The following GRAMD1B variants were observed in gnomAD, a reference collection of about 807,000 sequenced individuals.
The protein encoded by GRAMD1B is GRAM domain containing 1B.
Under a neutral mutation model 99.7 loss-of-function variants are expected in GRAMD1B, and 37 were observed. That is an observed-to-expected ratio of 0.37 (90% CI 0.29 to 0.49). The LOEUF is 0.49. Ranked by LOEUF, GRAMD1B falls within the 20% of genes least tolerant of loss-of-function variation. The probability of loss-of-function intolerance (pLI) is 0.98; values close to 1 mark genes in which losing one functional copy is unlikely to be tolerated. For missense variants in GRAMD1B, 888 were observed against 1,009.2 expected (o/e 0.88, Z 1.63); for synonymous variants, 427 against 387.6 (o/e 1.10, Z -1.19).
intron 16 of GRAMD1B, 120 bp downstream of exon 16, chr11:123,613,778 G>A (rs1953942550): frequency 1.4e-6 from 1 of 692,464 alleles, no homozygotes; most frequent in East Asian, 2.7e-5. Context: ...TATATAATTT[G>A]AACGTAAGTC....
At chr11:123,489,662 C>A (rs1005984254) in intron 2 of GRAMD1B, among the ~76,000 whole-genome samples, 1 of 151,942 alleles carries the variant, frequency 6.6e-6, no homozygotes, top group Non-Finnish European at 1.5e-5. Flanking sequence ...GAGAAGAGAC[C>A]GACCATAGTG....
chr11:123,382,815 CACCTG>C (rs1483339678), intron 1 of GRAMD1B, among the ~76,000 whole-genome samples: 1 of 152,162 alleles, frequency 6.6e-6, no homozygotes, highest in Non-Finnish European at 1.5e-5. Context: ...CAAGAGAGGT[CACCTG>C]ACCTGAGCTG....
intron 1 of GRAMD1B, among the ~76,000 whole-genome samples, chr11:123,368,269 A>C (rs1946392045): frequency 6.9e-6 from 1 of 144,394 alleles, no homozygotes. Flanking sequence ...AAAAAAAAAA[A>C]AAAAAAAAAG....
chr11:123,393,166 A>G (rs1402648028), intron 1 of GRAMD1B, among the ~76,000 whole-genome samples: 2 of 152,216 alleles, frequency 1.3e-5, no homozygotes, highest in Admixed American at 1.3e-4. Context: ...TTTACAGATG[A>G]GGAAATCAAG....
At chr11:123,583,679 C>T (rs1949717699) in intron 3 of GRAMD1B, among the ~76,000 whole-genome samples, 1 of 152,042 alleles carries the variant, frequency 6.6e-6, no homozygotes, top group South Asian at 2.1e-4. Context: ...GTCTGTTTTG[C>T]TTGTTCTGAA....
intron 2 of GRAMD1B, among the ~76,000 whole-genome samples, chr11:123,486,389 A>G (rs1474496248): frequency 6.6e-6 from 1 of 152,044 alleles, no homozygotes; most frequent in Admixed American, 6.5e-5. Context: ...CTTTATCAAA[A>G]CTACAAAAAA....
At position 123,580,455 on chromosome 11, in the gene GRAMD1B, A is replaced by G. The variant is rs77159077; in HGVS notation, c.663+2878A>G. ...CACTCCCTGTCTCCTGGCCACCCCT[A>G]GAGGACACCATGCCTTATATTTTTT... On this transcript the variant is annotated intron_variant, in intron 3 of 19. Transcript: ENST00000635736. Among the ~76,000 whole-genome samples, 157 of 152,298 alleles carry G rather than the reference A, an allele frequency of 1.0e-3. 1 individual carries two copies. Among genetic ancestry groups the G allele is most frequent in the Non-Finnish European group, 1.9e-3 (130 of 68,022 alleles).
chr11:123,458,691 GT>G (rs60443148), intron 1 of GRAMD1B: 49,749 of 132,240 alleles, frequency 0.38, 9,023 homozygotes, highest in East Asian at 0.54. Flanking sequence ...AGGCTGTTTT[GT>G]TTTTTTTTTT....
At chr11:123,414,890 C>T (rs893768283) in intron 1 of GRAMD1B, among the ~76,000 whole-genome samples, 34 of 152,250 alleles carry the variant, frequency 2.2e-4, no homozygotes, top group Admixed American at 2.1e-3. Context: ...CGCTCTAGAG[C>T]CTTGGGGTTT....
At chr11:123,548,321 T>TACACACAC (rs1484787385) in intron 2 of GRAMD1B, among the ~76,000 whole-genome samples, 4 of 107,232 alleles carry the variant, frequency 3.7e-5, no homozygotes, top group African/African-American at 1.3e-4. Flanking sequence ...TATATATATA[T>TACACACAC]ATATACACAC....
At chr11:123,401,253 C>T (rs890618140) in intron 1 of GRAMD1B, among the ~76,000 whole-genome samples, 12 of 151,952 alleles carry the variant, frequency 7.9e-5, no homozygotes, top group African/African-American at 2.9e-4. Flanking sequence ...TACTTTGCCC[C>T]TCCCTCTGTC....
intron 1 of GRAMD1B, among the ~76,000 whole-genome samples, chr11:123,361,359 A>G (rs1167493840): frequency 6.6e-6 from 1 of 152,128 alleles, no homozygotes; most frequent in Non-Finnish European, 1.5e-5. Flanking sequence ...GGTGGCATGT[A>G]GTTTTCAGTG....
chr11:123,367,308 G>T (rs1042798430), intron 1 of GRAMD1B, among the ~76,000 whole-genome samples: 2 of 152,188 alleles, frequency 1.3e-5, no homozygotes, highest in East Asian at 3.8e-4. Flanking sequence ...GAAGATAAAC[G>T]TAAAGCAGAA....
chr11:123,457,188 C>T (rs543538360), intron 1 of GRAMD1B, among the ~76,000 whole-genome samples: 7 of 142,980 alleles, frequency 4.9e-5, no homozygotes, highest in Admixed American at 7.0e-5. Context: ...AGTATCGGCT[C>T]ATGATTTTAT....
At chr11:123,431,673 G>A (rs1948898033) in intron 1 of GRAMD1B, among the ~76,000 whole-genome samples, 1 of 152,216 alleles carries the variant, frequency 6.6e-6, no homozygotes, top group South Asian at 2.1e-4. Flanking sequence ...GGCCACACCG[G>A]ATTGCCTTAA....
chr11:123,582,698 A>C (rs920253477), intron 3 of GRAMD1B, among the ~76,000 whole-genome samples: 20 of 152,170 alleles, frequency 1.3e-4, no homozygotes, highest in African/African-American at 4.6e-4. Flanking sequence ...GACCGTCTTT[A>C]CAGAGTTCAG....
intron 1 of GRAMD1B, among the ~76,000 whole-genome samples, chr11:123,438,052 G>A (rs570443388): frequency 1.3e-5 from 2 of 152,322 alleles, no homozygotes; most frequent in East Asian, 3.9e-4. Flanking sequence ...GATTAAGTAA[G>A]TGATCGGTGC....
chr11:123,504,647 C>G (rs11219173), intron 2 of GRAMD1B, among the ~76,000 whole-genome samples: 1 of 151,992 alleles, frequency 6.6e-6, no homozygotes, highest in African/African-American at 2.4e-5. Flanking sequence ...TTTCACCTCT[C>G]TCCTCCCACT....
chr11:123,559,278 A>G (rs895034237), intron 2 of GRAMD1B, among the ~76,000 whole-genome samples: 10 of 152,324 alleles, frequency 6.6e-5, no homozygotes, highest in Admixed American at 4.6e-4. Flanking sequence ...GTTTTGTGCT[A>G]CATCCCTCAA....
Sources: gnomAD v4.1 joint callset for allele counts (sites outside exome capture counted in the v4.1 genomes callset) on GRCh38, gnomAD v4.1.1 for gene constraint, MANE v1.5 for transcripts, NCBI Gene and HGNC (gene_info 2026-07-23, HGNC 2026-07-21) for gene names.